ADAM12: variants seen among roughly 807,000 people sequenced by gnomAD.
ADAM12 encodes the protein ADAM metallopeptidase domain 12.
ADAM12 carries 70 observed loss-of-function variants against 106.4 expected under a neutral mutation model. The ratio of observed to expected loss-of-function variants is 0.66; its 90% CI spans 0.54 to 0.80. The LOEUF (loss-of-function observed/expected upper bound fraction) is 0.80. ADAM12 is among the 30% of genes least tolerant of loss of function. The probability of loss-of-function intolerance (pLI) is 0.00; values close to 1 mark genes in which losing one functional copy is unlikely to be tolerated. For synonymous variants in ADAM12, 420 were observed against 433.5 expected, an observed-to-expected ratio of 0.97 and a Z score of 0.39; for missense variants, 1,010 against 1,171.9, an observed-to-expected ratio of 0.86 and a Z score of 2.02.
chr10:126,371,547 G>A (rs370268402), intron 1 of ADAM12, among the ~76,000 whole-genome samples: 7 of 152,186 alleles, frequency 4.6e-5, no homozygotes, highest in African/African-American at 1.4e-4. Flanking sequence ...TTTGGTCTTA[G>A]AGTGGAACAT....
At chr10:126,052,906 G>A (rs1020314294) in intron 14 of ADAM12, among the ~76,000 whole-genome samples, 3 of 152,196 alleles carry the variant, frequency 2.0e-5, no homozygotes, top group East Asian at 3.9e-4. Context: ...AGCCTTCTGG[G>A]TCAGAGTGTG....
chr10:126,284,528 C>T (rs1959753237), intron 2 of ADAM12, among the ~76,000 whole-genome samples: 1 of 151,952 alleles, frequency 6.6e-6, no homozygotes, highest in Admixed American at 6.6e-5. Flanking sequence ...ATCTCAGCAC[C>T]CTGGGATTGC....
chr10:126,078,910 G>A (rs1955155481), intron 11 of ADAM12, among the ~76,000 whole-genome samples: 1 of 152,084 alleles, frequency 6.6e-6, no homozygotes, highest in South Asian at 2.1e-4. Flanking sequence ...GACCAGCAGT[G>A]AATGCTGAAA....
chr10:126,100,272 A>C (rs764850807), intron 9 of ADAM12, among the ~76,000 whole-genome samples: 14 of 152,188 alleles, frequency 9.2e-5, no homozygotes, highest in Non-Finnish European at 4.4e-5. Flanking sequence ...TGATCTAGAA[A>C]ACCAAAGAGT....
At chr10:126,323,057 G>A (rs977020085) in intron 2 of ADAM12, among the ~76,000 whole-genome samples, 1 of 152,148 alleles carries the variant, frequency 6.6e-6, no homozygotes, top group Non-Finnish European at 1.5e-5. Context: ...GGAACCCAGA[G>A]AGTCTGGGAA....
intron 21 of ADAM12, among the ~76,000 whole-genome samples, chr10:126,024,205 A>G (rs1953825100): frequency 6.6e-6 from 1 of 152,206 alleles, no homozygotes; most frequent in Admixed American, 6.5e-5. Context: ...ATATTTATAC[A>G]AAAATATTGA....
intron 2 of ADAM12, among the ~76,000 whole-genome samples, chr10:126,311,484 G>T (rs560407956): frequency 6.6e-6 from 1 of 152,010 alleles, no homozygotes; most frequent in Non-Finnish European, 1.5e-5. Context: ...GTAATTTCTC[G>T]GGTGACAGGA....
chr10:126,140,282 T>C (rs552963877), intron 4 of ADAM12, among the ~76,000 whole-genome samples: 2 of 152,366 alleles, frequency 1.3e-5, no homozygotes, highest in South Asian at 4.1e-4. Flanking sequence ...TTTTAATTAC[T>C]GACCTCTGAA....
In ADAM12 at chr10:126,388,348, G is replaced by T. The variant is rs1856757061; in HGVS notation, c.-203C>A. On this transcript the variant is annotated 5_prime_UTR_variant, in exon 1 of 23. Coordinates refer to ENST00000448723, the MANE Select transcript of ADAM12 (RefSeq NM_001288973.2). This position sits in a 1 kb window ranked among gnomAD's most constrained non-coding sequence, Gnocchi z 4.4. ...TTTAAAAAAGTTTCCCCCCGTGTGTGTGCGTGCGTGCGCGCGCGCGCGCCG... is the reference window on the plus strand; with the variant it reads ...TTTAAAAAAGTTTCCCCCCGTGTGTTTGCGTGCGTGCGCGCGCGCGCGCCG... The T allele has an allele frequency of 1.4e-6, 1 of 739,358 alleles. No individual in the cohort carries two copies. The highest frequency in any genetic ancestry group is 1.8e-6 in the Non-Finnish European group (1 of 557,252). 45.8% of individuals were successfully genotyped at this position (739,358 alleles called of 1,614,324 possible). A position where few individuals can be genotyped will look rare whatever the true frequency, so the allele number is the denominator to read the frequency against.
chr10:126,173,788 G>A (rs1957165276), intron 3 of ADAM12, among the ~76,000 whole-genome samples: 1 of 152,070 alleles, frequency 6.6e-6, no homozygotes, highest in African/African-American at 2.4e-5. Context: ...CCCAACTCCA[G>A]AGAATTTCTC....
At chr10:126,274,006 T>C (rs368490194) in intron 3 of ADAM12, among the ~76,000 whole-genome samples, 4 of 152,256 alleles carry the variant, frequency 2.6e-5, no homozygotes, top group African/African-American at 9.6e-5. Flanking sequence ...CTGTGTTCCT[T>C]TCTGGAAGGT....
chr10:126,086,680 A>AATATATACATAT (rs1955358485), intron 11 of ADAM12, among the ~76,000 whole-genome samples: 1 of 24,272 alleles, frequency 4.1e-5, no homozygotes, highest in Non-Finnish European at 5.9e-5. Context: ...AAAAAAAAAA[A>AATATATACATAT]ATATATATAT....
At chr10:126,328,331 G>T (rs1854379826) in intron 2 of ADAM12, among the ~76,000 whole-genome samples, 3 of 152,154 alleles carry the variant, frequency 2.0e-5, no homozygotes. Flanking sequence ...GGCACAGCAG[G>T]CACCGTTGTT....
chr10:126,381,659 C>T (rs1308884704), intron 1 of ADAM12, among the ~76,000 whole-genome samples: 3 of 151,858 alleles, frequency 2.0e-5, no homozygotes, highest in African/African-American at 7.3e-5. Context: ...CCATCCCTGG[C>T]TAATTTTTGT....
intron 2 of ADAM12, among the ~76,000 whole-genome samples, chr10:126,317,435 G>GTGCATA (rs1853921434): frequency 6.6e-6 from 1 of 152,154 alleles, no homozygotes; most frequent in Admixed American, 6.5e-5. Context: ...TGAGTAAAAA[G>GTGCATA]TGCATATGGC....
chr10:126,388,125 G>A lies in ADAM12; in HGVS notation c.21C>T (p.Pro7=), dbSNP rs1590855494. The change falls in exon 1 of 23, where the codon CCC becomes CCT. Residue 7 remains proline, a synonymous_variant. Transcript: ENST00000448723. This position sits in a 1 kb window ranked among gnomAD's most constrained non-coding sequence, Gnocchi z 4.4. MAARPL[P]VSPARALLLA... Reference sequence around the variant, plus strand: ...GCAGGAGGGCGCGGGCGGGGGACACGGGCAGCGGGCGCGCTGCCATCGTCG... The same window carrying A: ...GCAGGAGGGCGCGGGCGGGGGACACAGGCAGCGGGCGCGCTGCCATCGTCG... The A allele has an allele frequency of 8.2e-7, 1 of 1,219,474 alleles. No homozygotes were observed. The highest frequency in any genetic ancestry group is 1.0e-6 in the Non-Finnish European group (1 of 979,830). 75.5% of individuals were successfully genotyped at this position (1,219,474 alleles called of 1,614,324 possible).
Position 126,049,525 on chromosome 10 carries a change from G to A in ADAM12, c.1718+36C>T. ...AACCCTATGCAATGTGGGAAGGTCA[G>A]AGCAAAGACTTTGCCAGGATGTCTG... On this transcript the variant is annotated intron_variant, in intron 15 of 22. Transcript: ENST00000448723. The surrounding 1 kb of genome is among the most constrained non-coding windows in gnomAD (Gnocchi z 4.4). 1.2e-6 allele frequency: 2 copies of A among 1,613,762 alleles called. No individual in the cohort carries two copies. Among genetic ancestry groups the A allele is most frequent in the Non-Finnish European group, 1.7e-6 (2 of 1,179,642 alleles).
chr10:126,298,356 T>C (rs1370272269), intron 2 of ADAM12, among the ~76,000 whole-genome samples: 3 of 152,164 alleles, frequency 2.0e-5, no homozygotes, highest in South Asian at 4.1e-4. Context: ...AGCAGAGAAC[T>C]AGAGCCACAT....
chr10:126,225,187 C>T (rs1958168622), intron 3 of ADAM12, among the ~76,000 whole-genome samples: 1 of 152,210 alleles, frequency 6.6e-6, no homozygotes, highest in African/African-American at 2.4e-5. Context: ...ACACCTCTGC[C>T]CGACCCCTGG....
Sources: allele counts gnomAD v4.1 joint callset (sites outside exome capture counted in the v4.1 genomes callset), GRCh38; gene constraint gnomAD v4.1.1; non-coding constraint Gnocchi (gnomAD v3.1); transcripts MANE v1.5; gene names NCBI Gene and HGNC (gene_info 2026-07-23, HGNC 2026-07-21).